The following WDFY4 variants were observed in gnomAD, a reference collection of about 807,000 sequenced individuals.
WDFY4 encodes WDFY family member 4.
WDFY4 carries 169 observed loss-of-function variants against 351.9 expected under a neutral mutation model. The observed-to-expected ratio is 0.48, with a 90% CI of 0.42 to 0.55. The LOEUF (loss-of-function observed/expected upper bound fraction) is 0.55. WDFY4 is among the 20% of genes least tolerant of loss of function. WDFY4 has a pLI of 0.00. For missense variants in WDFY4, 3,803 were observed against 3,935.6 expected (o/e 0.97, Z 0.90); for synonymous variants, 1,622 against 1,574.6 (o/e 1.03, Z -0.71).
intron 2 of WDFY4, among the ~76,000 whole-genome samples, chr10:48,718,562 G>A (rs998990085): frequency 1.6e-4 from 25 of 152,234 alleles, no homozygotes; most frequent in African/African-American, 5.3e-4. Flanking sequence ...ACTGCCTTCC[G>A]TGGAGGCCAC....
chr10:48,805,774 TTC>T (rs1213036968), intron 26 of WDFY4, among the ~76,000 whole-genome samples: 2 of 152,226 alleles, frequency 1.3e-5, no homozygotes, highest in African/African-American at 4.8e-5. Context: ...GTGTTTCCCC[TTC>T]TCTTTCCTGT....
In WDFY4 at chr10:48,822,382, G is replaced by A. The variant is rs889214758; in HGVS notation, c.5827G>A (p.Gly1943Ser). The A allele has an allele frequency of 4.5e-5, 69 of 1,541,998 alleles. No homozygotes were observed. Among genetic ancestry groups the A allele is most frequent in the East Asian group, 7.4e-5 (3 of 40,774 alleles). ...SGGDAAMFRD[G>S]KEPQPSAEAA... ...CCACCTGTCCCCTCACTCCACAGAC[G>A]GCAAAGAGCCTCAGCCAAGTGCAGA... The change falls in exon 35 of 62, where the codon GGC (glycine) becomes AGC (serine). Residue 1943 changes from glycine to serine, a missense_variant and splice_region_variant. By Grantham distance (56) the Gly-to-Ser change is moderately conservative. Transcript: ENST00000325239.
At chr10:48,856,924 A>G (rs573059326) in intron 39 of WDFY4, among the ~76,000 whole-genome samples, 1 of 152,194 alleles carries the variant, frequency 6.6e-6, no homozygotes. Context: ...ACACAGATAC[A>G]AATTTTCCAA....
At chr10:48,792,088 C>T (rs1341497440) in intron 23 of WDFY4, among the ~76,000 whole-genome samples, 1 of 152,224 alleles carries the variant, frequency 6.6e-6, no homozygotes, top group Admixed American at 6.5e-5. Context: ...GCCCCATCTC[C>T]AACCCAGCCA....
chr10:48,729,422 G>C lies in WDFY4; in HGVS notation c.972-10G>C. 6.4e-7 allele frequency: 1 copy of C among 1,550,416 alleles called. No homozygotes were observed. The highest frequency in any genetic ancestry group is 8.7e-7 in the Non-Finnish European group (1 of 1,146,948). ...GAAGTACAGGGAGCTGGCCTCATCT[G>C]TTCCCCCAGGTATGATGGGCTGACC... On this transcript the variant is annotated splice_polypyrimidine_tract_variant and intron_variant, in intron 7 of 61. Coordinates refer to ENST00000325239, the MANE Select transcript of WDFY4 (RefSeq NM_001394531.1).
chr10:48,804,584 A>G (rs2067193174), intron 25 of WDFY4, among the ~76,000 whole-genome samples: 2 of 146,178 alleles, frequency 1.4e-5, no homozygotes, highest in Non-Finnish European at 3.0e-5. Context: ...AAAAAAAAAG[A>G]CAGTTCAAAG....
chr10:48,827,091 G>A (rs1800411263), intron 36 of WDFY4, among the ~76,000 whole-genome samples, 182 bp downstream of exon 36: 1 of 152,152 alleles, frequency 6.6e-6, no homozygotes, highest in South Asian at 2.1e-4. Context: ...TTGTCCATGT[G>A]ACAGCAGTTA....
At chr10:48,834,477 A>C (rs527459816) in intron 39 of WDFY4, among the ~76,000 whole-genome samples, 1 of 152,088 alleles carries the variant, frequency 6.6e-6, no homozygotes, top group Non-Finnish European at 1.5e-5. Flanking sequence ...GAAATAGGAG[A>C]CTGTTTACAA....
At chr10:48,784,766 T>C (rs2066344227) in intron 19 of WDFY4, among the ~76,000 whole-genome samples, 1 of 151,084 alleles carries the variant, frequency 6.6e-6, no homozygotes. Context: ...GGTCTCAATC[T>C]CCTGACCTCG....
At chr10:48,934,084 G>A (rs1840202743) in intron 47 of WDFY4, among the ~76,000 whole-genome samples, 1 of 152,164 alleles carries the variant, frequency 6.6e-6, no homozygotes, top group Non-Finnish European at 1.5e-5. Context: ...GATCAGAGCA[G>A]CTTACAGGCC....
intron 47 of WDFY4, among the ~76,000 whole-genome samples, chr10:48,923,083 C>A (rs776367476): frequency 1.3e-4 from 20 of 152,308 alleles, no homozygotes; most frequent in Middle Eastern, 3.4e-3. Context: ...ATAGTTGGGA[C>A]TCCATATTCT....
chr10:48,913,759 G>C, intron 47 of WDFY4: 1 of 1,614,080 alleles, frequency 6.2e-7, no homozygotes, highest in South Asian at 1.1e-5. Flanking sequence ...ACGCTGTCCA[G>C]GTGGTTCAAG....
chr10:48,741,029 C>T (rs1369460196), intron 11 of WDFY4, among the ~76,000 whole-genome samples: 1 of 152,136 alleles, frequency 6.6e-6, no homozygotes, highest in Non-Finnish European at 1.5e-5. Flanking sequence ...CTAGTAACTG[C>T]AATCTGTTTT....
chr10:48,812,468 G>A (rs2067487535), intron 30 of WDFY4, among the ~76,000 whole-genome samples: 1 of 152,014 alleles, frequency 6.6e-6, no homozygotes, highest in Non-Finnish European at 1.5e-5. Context: ...GGGATTACAG[G>A]CGTGACCCAC....
At chr10:48,723,693 G>C in intron 5 of WDFY4, 126 bp downstream of exon 5, 2 of 1,365,736 alleles carry the variant, frequency 1.5e-6, no homozygotes, top group Non-Finnish European at 2.0e-6. Context: ...TGTTCTCCCA[G>C]AGGGTCTAAC....
At chr10:48,964,145 G>A (rs1841979037) in intron 54 of WDFY4, 91 bp downstream of exon 54, 1 of 1,388,518 alleles carries the variant, frequency 7.2e-7, no homozygotes, top group South Asian at 1.3e-5. Flanking sequence ...GAAGGAGATG[G>A]CTGAAGAGGT....
chr10:48,877,375 A>G (rs1157454085), intron 43 of WDFY4, among the ~76,000 whole-genome samples, 176 bp downstream of exon 43: 1 of 152,228 alleles, frequency 6.6e-6, no homozygotes, highest in Non-Finnish European at 1.5e-5. Context: ...TTGTTGGCCC[A>G]GAGAAAGAGT....
chr10:48,847,751 T>C (rs2133156054), intron 39 of WDFY4, among the ~76,000 whole-genome samples: 1 of 152,332 alleles, frequency 6.6e-6, no homozygotes, highest in East Asian at 1.9e-4. Context: ...AAAGGATTTG[T>C]CTTTTGCTAT....
chr10:48,740,421 T>C (rs2064815674), intron 11 of WDFY4, among the ~76,000 whole-genome samples: 1 of 152,232 alleles, frequency 6.6e-6, no homozygotes, highest in African/African-American at 2.4e-5. Flanking sequence ...AGATGCAGCA[T>C]AGCTGCCTTA....
Sources: allele counts gnomAD v4.1 joint callset (sites outside exome capture counted in the v4.1 genomes callset), GRCh38; gene constraint gnomAD v4.1.1; transcripts MANE v1.5; gene names NCBI Gene and HGNC (gene_info 2026-07-23, HGNC 2026-07-21).